EIF2D: variants seen among roughly 807,000 people sequenced by gnomAD.
The protein encoded by EIF2D is hepatocellular carcinoma-associated antigen 56.
Under a neutral mutation model 77.4 loss-of-function variants are expected in EIF2D, and 56 were observed. That is an observed-to-expected ratio of 0.72 (90% CI 0.58 to 0.90). The LOEUF (loss-of-function observed/expected upper bound fraction) is 0.90. Among genes scored for constraint, EIF2D ranks in the 40% least tolerant of loss-of-function variants. The probability of loss-of-function intolerance (pLI) is 0.00; values close to 1 mark genes in which losing one functional copy is unlikely to be tolerated. For missense variants in EIF2D, 574 were observed against 706.5 expected, an observed-to-expected ratio of 0.81 and a Z score of 2.13; for synonymous variants, 230 against 271.0, an observed-to-expected ratio of 0.85 and a Z score of 1.49.
intron 4 of EIF2D, among the ~76,000 whole-genome samples, chr1:206,578,267 T>TGTGTA (rs1668734522): frequency 6.6e-6 from 1 of 151,262 alleles, no homozygotes; most frequent in Non-Finnish European, 1.5e-5. Context: ...TGTGTGTAAG[T>TGTGTA]AGATGCTTAC....
intron 2 of EIF2D, chr1:206,585,338 C>G (rs1328421994): frequency 6.7e-7 from 1 of 1,482,158 alleles, no homozygotes. Flanking sequence ...TTAGGGCACC[C>G]TGGGTGGGTG....
intron 3 of EIF2D, among the ~76,000 whole-genome samples, chr1:206,609,064 AT>A (rs1280209512): frequency 1.6e-4 from 24 of 151,826 alleles, no homozygotes; most frequent in African/African-American, 5.3e-4. Flanking sequence ...AAAAAAAAAA[AT>A]AAAAAAAGTT....
At chr1:206,576,025 C>T (rs1163414620) in intron 4 of EIF2D, among the ~76,000 whole-genome samples, 1 of 152,212 alleles carries the variant, frequency 6.6e-6, no homozygotes, top group African/African-American at 2.4e-5. Context: ...TTATCTGACA[C>T]CTACTTAAAG....
In EIF2D at chr1:206,591,680, T is replaced by C. The variant is rs576903452; in HGVS notation, c.*95A>G. The C allele has an allele frequency of 9.1e-7, 1 of 1,100,334 alleles. No homozygotes were observed. The highest frequency in any genetic ancestry group is 1.3e-5 in the South Asian group (1 of 76,174). 68.2% of individuals were successfully genotyped at this position (1,100,334 alleles called of 1,614,324 possible). On this transcript the variant is annotated 3_prime_UTR_variant, in exon 15 of 15. Transcript: ENST00000271764. ...AAAAATTTATTTTTGTAAAGAATTA[T>C]ATTTTGTATTTGCAAAAGCTGAAAA...
chr1:206,582,662 A>G (rs985896898), intron 2 of EIF2D, among the ~76,000 whole-genome samples: 3 of 152,240 alleles, frequency 2.0e-5, no homozygotes, highest in African/African-American at 7.2e-5. Context: ...TTCATTTGAC[A>G]AATAGATATT....
Position 206,605,428 on chromosome 1 carries a change from C to T in EIF2D, c.502G>A (p.Val168Met), listed in dbSNP as rs200525541. The change falls in exon 5 of 15, where the codon GTG becomes ATG. Residue 168 changes from valine to methionine, a missense_variant. Coordinates refer to ENST00000271764, the MANE Select transcript of EIF2D (RefSeq NM_006893.3). ...AAGTGGTCCTGGTAAGTGTGGAGCA[C>T]AGAGAAGCCCCTTCCCTTCAGGCCT... The part of the protein sequence containing the change: ...TSGLKGRGFS[V>M]LHTYQDHLWR... 19 of 1,614,110 alleles carry T rather than the reference C, an allele frequency of 1.2e-5. 1 individual carries two copies. In the South Asian group the frequency reaches 1.8e-4, roughly 15 times the overall value.
At chr1:206,597,280 G>T in intron 11 of EIF2D, 85 bp from the exon 12 acceptor site, 1 of 971,764 alleles carries the variant, frequency 1.0e-6, no homozygotes, top group Non-Finnish European at 1.6e-6. Flanking sequence ...CTCTCGTACG[G>T]CCTTTATAGA....
intron 7 of EIF2D, 59 bp downstream of exon 7, chr1:206,602,277 C>G (rs1669961421): frequency 7.2e-7 from 1 of 1,386,912 alleles, no homozygotes; most frequent in African/African-American, 1.4e-5. Context: ...GTCCTACTAC[C>G]AAGGAGCACA....
intron 7 of EIF2D, 105 bp downstream of exon 7, chr1:206,602,231 A>G (rs1553411411): frequency 2.5e-6 from 2 of 807,020 alleles, no homozygotes; most frequent in Non-Finnish European, 4.2e-6. Flanking sequence ...TTTCCACAGC[A>G]TGTCCCTCAA....
chr1:206,583,140 CAGTT>C (rs1668960413), intron 2 of EIF2D: 5 of 654,142 alleles, frequency 7.6e-6, no homozygotes, highest in African/African-American at 1.8e-5. Flanking sequence ...CGAGTCCGTG[CAGTT>C]AGTTCCACTC....
intron 4 of EIF2D, among the ~76,000 whole-genome samples, chr1:206,573,012 G>GATC (rs1243513188): frequency 3.3e-5 from 5 of 152,186 alleles, no homozygotes; most frequent in African/African-American, 9.7e-5. Context: ...TGAAGATGAT[G>GATC]ATGATCATGA....
chr1:206,602,530 C>A, intron 6 of EIF2D, 77 bp from the exon 7 acceptor site: 1 of 1,281,026 alleles, frequency 7.8e-7, no homozygotes. Flanking sequence ...CCCCCAGCTT[C>A]ATCCCTACCT....
intron 7 of EIF2D, chr1:206,601,680 A>T (rs1212888587): frequency 2.6e-5 from 4 of 152,300 alleles, no homozygotes; most frequent in African/African-American, 9.6e-5. Flanking sequence ...CAGGCTATGT[A>T]ATCTTTACAG....
intron 5 of EIF2D, chr1:206,603,538 T>C (rs1670034668): frequency 4.4e-6 from 1 of 224,956 alleles, no homozygotes; most frequent in South Asian, 1.2e-4. Context: ...GTTCCCTTCA[T>C]CTGAGTTAAT....
At chr1:206,597,569 C>A (rs191325156) in intron 11 of EIF2D, among the ~76,000 whole-genome samples, 19 of 152,316 alleles carry the variant, frequency 1.2e-4, no homozygotes, top group African/African-American at 4.6e-4. Context: ...GTAATCCCAG[C>A]ACTTTGGGAG....
intron 11 of EIF2D, 117 bp downstream of exon 11, chr1:206,598,886 T>C: frequency 1.0e-6 from 1 of 993,160 alleles, no homozygotes; most frequent in East Asian, 2.5e-5. Context: ...TGATCTTAAT[T>C]ACCTCTAAGA....
At chr1:206,573,761 A>C (rs1553404631) in intron 4 of EIF2D, among the ~76,000 whole-genome samples, 1 of 152,246 alleles carries the variant, frequency 6.6e-6, no homozygotes, top group East Asian at 1.9e-4. Context: ...TAATCCCAGC[A>C]TTTTGGGAGG....
At chr1:206,595,924 A>T (rs559688844) in intron 12 of EIF2D, 86 bp from the exon 13 acceptor site, 45 of 1,556,364 alleles carry the variant, frequency 2.9e-5, no homozygotes, top group Non-Finnish European at 3.4e-5. Context: ...AGTTAGGTGT[A>T]GGCTGAAATT....
rs1000704584 is a variant in EIF2D, at chr1:206,608,797, A to C, written c.332-471T>G. 2.0e-5 allele frequency among the ~76,000 whole-genome samples: 3 copies of C among 152,356 alleles called. No individual in the cohort carries two copies. The Middle Eastern group carries it at 0.01, about 518-fold the overall frequency. ...CCAGGTGCGGTGGCTCACGCCTGTA[A>C]TCCCAGCACTCTGGGAGGCCAAGGC... is the stretch of plus-strand genomic sequence containing the variant. On this transcript the variant is annotated intron_variant, in intron 3 of 14. Transcript: ENST00000271764.
Sources: gnomAD v4.1 joint callset for allele counts (sites outside exome capture counted in the v4.1 genomes callset) on GRCh38, gnomAD v4.1.1 for gene constraint, MANE v1.5 for transcripts, NCBI Gene and HGNC (gene_info 2026-07-23, HGNC 2026-07-21) for gene names.